Variants in FDFT1 observed in about 807,000 individuals in gnomAD.
The protein encoded by FDFT1 is squalene synthase.
Under a neutral mutation model 46.8 loss-of-function variants are expected in FDFT1, and 68 were observed. That is an observed-to-expected ratio of 1.45 (90% CI 1.19 to 1.78). The LOEUF (loss-of-function observed/expected upper bound fraction) is 1.78. Among genes scored for constraint, FDFT1 ranks in the 40% most tolerant of loss-of-function variants. The pLI is 0.00. For missense variants in FDFT1, 928 were observed against 524.4 expected (o/e 1.77, Z -7.52); for synonymous variants, 351 against 185.1 (o/e 1.90, Z -7.28).
chr8:11,806,479 C>T (rs991437384), intron 1 of FDFT1, among the ~76,000 whole-genome samples: 10 of 152,088 alleles, frequency 6.6e-5, no homozygotes, highest in Non-Finnish European at 1.5e-4. Context: ...GGGGTACGAG[C>T]TGGAGGAGTA....
chr8:11,820,719 T>C (rs1809115491), intron 3 of FDFT1, among the ~76,000 whole-genome samples: 1 of 152,158 alleles, frequency 6.6e-6, no homozygotes, highest in Non-Finnish European at 1.5e-5. Flanking sequence ...TTGCGAAGAC[T>C]GGGAAAAGCA....
intron 3 of FDFT1, among the ~76,000 whole-genome samples, chr8:11,819,296 C>G (rs926146666): frequency 1.4e-4 from 22 of 152,168 alleles, no homozygotes; most frequent in African/African-American, 3.6e-4. Context: ...TCCTTCATTT[C>G]AACGTTGGTG....
intron 3 of FDFT1, among the ~76,000 whole-genome samples, chr8:11,811,681 A>C (rs1042743263): frequency 1.3e-5 from 2 of 152,076 alleles, no homozygotes; most frequent in African/African-American, 4.8e-5. Context: ...TGGGTAGTAG[A>C]GTTAGAGATT....
intron 1 of FDFT1, chr8:11,803,458 A>G: frequency 1.6e-6 from 2 of 1,277,988 alleles, no homozygotes; most frequent in East Asian, 1.1e-4. Context: ...TCGCCTATCT[A>G]CGCTTCCAAG....
intron 3 of FDFT1, among the ~76,000 whole-genome samples, chr8:11,811,807 G>A (rs1329125966): frequency 6.6e-6 from 1 of 152,208 alleles, no homozygotes; most frequent in East Asian, 1.9e-4. Flanking sequence ...ATATGAAGAT[G>A]TACTAAGTTG....
intron 7 of FDFT1, among the ~76,000 whole-genome samples, chr8:11,832,979 G>A (rs533027522): frequency 9.2e-5 from 14 of 152,090 alleles, no homozygotes; most frequent in Non-Finnish European, 1.9e-4. Context: ...ACAAAATAGC[G>A]ATTTCTGATT....
chr8:11,829,061 G>C (rs28575472), intron 5 of FDFT1, among the ~76,000 whole-genome samples: 1 of 152,162 alleles, frequency 6.6e-6, no homozygotes. Context: ...CTCGAACCTT[G>C]TGAGGAGCTG....
At chr8:11,813,673 T>A (rs1381788094) in intron 3 of FDFT1, among the ~76,000 whole-genome samples, 1 of 152,190 alleles carries the variant, frequency 6.6e-6, no homozygotes, top group African/African-American at 2.4e-5. Flanking sequence ...TTACCCTCTA[T>A]GTGGGATTTG....
chr8:11,834,375 C>G (rs886355970), intron 7 of FDFT1, among the ~76,000 whole-genome samples: 1 of 152,224 alleles, frequency 6.6e-6, no homozygotes, highest in African/African-American at 2.4e-5. Flanking sequence ...CTCAGCCAAA[C>G]GGCCAGAAAC....
intron 4 of FDFT1, among the ~76,000 whole-genome samples, chr8:11,822,582 G>A (rs888460418): frequency 1.3e-5 from 2 of 152,202 alleles, no homozygotes; most frequent in Non-Finnish European, 2.9e-5. Context: ...GGGAGGCTGA[G>A]GTGGGAGGAT....
rs1418755788 is a variant in FDFT1, at chr8:11,821,855, A to C, written c.487A>C (p.Thr163Pro). 1.5e-5 allele frequency: 24 copies of C among 1,613,246 alleles called. No homozygotes were observed. Among genetic ancestry groups the C allele is most frequent in the Non-Finnish European group, 2.0e-5 (23 of 1,179,456 alleles). ...GGCAGAGTTTTTGGATAAGCATGTG[A>C]CCTCTGAACAGGAGTGGGACAAGGT... ...GMAEFLDKHV[T>P]SEQEWDKYCH... is the part of the protein sequence containing the mutation. Residue 163 changes from threonine to proline, a missense_variant, in exon 4 of 8, where the codon ACC becomes CCC. By Grantham distance (38) the Thr-to-Pro change is conservative (BLOSUM62 -1). Transcript: ENST00000220584.
intron 3 of FDFT1, among the ~76,000 whole-genome samples, chr8:11,815,994 G>T (rs115624506): frequency 0.011 from 1,695 of 152,252 alleles, 31 homozygotes; most frequent in African/African-American, 0.038. Context: ...GGTTTTTACG[G>T]TTTTAGGCCT....
intron 4 of FDFT1, among the ~76,000 whole-genome samples, chr8:11,824,473 T>G (rs1809687414): frequency 1.3e-5 from 2 of 152,226 alleles, no homozygotes; most frequent in Admixed American, 6.5e-5. Flanking sequence ...TACCTAGTTT[T>G]GAACTCTTAG....
intron 3 of FDFT1, among the ~76,000 whole-genome samples, chr8:11,817,784 T>C (rs1380117001): frequency 6.6e-6 from 1 of 152,024 alleles, no homozygotes; most frequent in Non-Finnish European, 1.5e-5. Context: ...CTATCAATTT[T>C]GTTGATCTTT....
At chr8:11,810,107 GTAA>G (rs35152602) in intron 3 of FDFT1, 144,562 of 425,786 alleles carry the variant, frequency 0.34, 27,127 homozygotes, top group South Asian at 0.41. Flanking sequence ...TAAAATAGGG[GTAA>G]TAATAACACC....
At chr8:11,818,686 C>T (rs1473379774) in intron 3 of FDFT1, among the ~76,000 whole-genome samples, 4 of 151,698 alleles carry the variant, frequency 2.6e-5, no homozygotes, top group East Asian at 3.9e-4. Context: ...ATTGCATTCC[C>T]TGCTTTTTTT....
chr8:11,816,354 C>A (rs1331760265), intron 3 of FDFT1, among the ~76,000 whole-genome samples: 1 of 152,262 alleles, frequency 6.6e-6, no homozygotes, highest in East Asian at 1.9e-4. Context: ...TATGCAGGCT[C>A]TTTTTTGCTT....
chr8:11,826,147 C>A lies in FDFT1; in HGVS notation c.634C>A (p.Gln212Lys). ...TGCCAACTCTATGGGCCTGTTTTTG[C>A]AGAAAACAAACATCATCCGTGACTA... Reference protein sequence around the residue: ...ERANSMGLFLQKTNIIRDYLE... With the variant: ...ERANSMGLFLKKTNIIRDYLE... The change falls in exon 5 of 8, where the codon CAG becomes AAG. Residue 212 changes from glutamine to lysine, a missense_variant. Physicochemically the swap from Gln to Lys is moderately conservative, Grantham distance 53 (BLOSUM62 1). Transcript: ENST00000220584. 6.2e-7 allele frequency: 1 copy of A among 1,604,504 alleles called. No individual in the cohort carries two copies. The highest frequency in any genetic ancestry group is 8.5e-7 in the Non-Finnish European group (1 of 1,172,724).
chr8:11,830,909 A>G (rs955224193), intron 6 of FDFT1, among the ~76,000 whole-genome samples: 2 of 152,228 alleles, frequency 1.3e-5, no homozygotes, highest in African/African-American at 4.8e-5. Flanking sequence ...ATACTACTGC[A>G]AATAAGTGAA....
Sources: allele counts gnomAD v4.1 joint callset (sites outside exome capture counted in the v4.1 genomes callset), GRCh38; gene constraint gnomAD v4.1.1; transcripts MANE v1.5; gene names NCBI Gene and HGNC (gene_info 2026-07-23, HGNC 2026-07-21).